The following DENND1B variants were observed in gnomAD, a reference collection of about 807,000 sequenced individuals.
The protein encoded by DENND1B is DENN domain containing 1B, also known as DENN domain-containing protein 1B.
A neutral mutation model predicts 90.1 loss-of-function variants in DENND1B; 59 were observed. That is an observed-to-expected ratio of 0.65 (90% confidence interval 0.53 to 0.81). The LOEUF (loss-of-function observed/expected upper bound fraction) is 0.81, where lower values mean the gene tolerates loss of function less well. Ranked by LOEUF, DENND1B falls within the 40% of genes least tolerant of loss-of-function variation. The probability of loss-of-function intolerance (pLI) is 0.00; values close to 1 mark genes in which losing one functional copy is unlikely to be tolerated. For synonymous variants in DENND1B, 337 were observed against 324.6 expected, an observed-to-expected ratio of 1.04 and a Z score of -0.41; for missense variants, 862 against 912.6, an observed-to-expected ratio of 0.94 and a Z score of 0.71.
chr1:197,576,142 A>T (rs1436633135), intron 15 of DENND1B, among the ~76,000 whole-genome samples: 1 of 152,192 alleles, frequency 6.6e-6, no homozygotes, highest in African/African-American at 2.4e-5. Flanking sequence ...AGACAGAATG[A>T]TCAATGTAAG....
At chr1:197,754,448 A>T (rs1208045027) in intron 2 of DENND1B, among the ~76,000 whole-genome samples, 1 of 152,100 alleles carries the variant, frequency 6.6e-6, no homozygotes, top group Non-Finnish European at 1.5e-5. Context: ...ACACTTTGTC[A>T]GGCCGAGGCA....
intron 2 of DENND1B, among the ~76,000 whole-genome samples, chr1:197,721,790 A>T (rs938303641): frequency 3.0e-4 from 46 of 152,282 alleles, no homozygotes; most frequent in African/African-American, 1.1e-3. Context: ...AGCAAGAAAA[A>T]TACCACCAAA....
In DENND1B at chr1:197,510,990, C is replaced by G. The variant is rs971682079; in HGVS notation, c.1816-18G>C. The G allele has an allele frequency of 2.0e-6, 3 of 1,477,712 alleles. No individual in the cohort carries two copies. The highest frequency in any genetic ancestry group is 2.8e-5 in the African/African-American group (2 of 70,962). 91.5% of individuals were successfully genotyped at this position (1,477,712 alleles called of 1,614,324 possible). A position where few individuals can be genotyped will look rare whatever the true frequency, so the allele number is the denominator to read the frequency against. On this transcript the variant is annotated intron_variant, in intron 22 of 22. Transcript: ENST00000620048. ...GATTTATTCTGAAAAAAAGAAGAAACAACAAACTCAGAAAACTTTTAATAA... is the reference window on the plus strand; with the variant it reads ...GATTTATTCTGAAAAAAAGAAGAAAGAACAAACTCAGAAAACTTTTAATAA...
At chr1:197,545,028 G>GAGAAGGAGA (rs1192143504) in intron 18 of DENND1B, among the ~76,000 whole-genome samples, 6 of 109,238 alleles carry the variant, frequency 5.5e-5, no homozygotes, top group East Asian at 5.5e-4. Context: ...ACGAAAGAAG[G>GAGAAGGAGA]AGGAGAAGGA....
intron 11 of DENND1B, among the ~76,000 whole-genome samples, chr1:197,614,638 A>G (rs554923240): frequency 6.6e-6 from 1 of 150,998 alleles, no homozygotes; most frequent in South Asian, 2.1e-4. Context: ...ACCTGTACTT[A>G]AGAATAGCTT....
At chr1:197,573,501 A>C (rs1484132817) in intron 15 of DENND1B, among the ~76,000 whole-genome samples, 1 of 152,226 alleles carries the variant, frequency 6.6e-6, no homozygotes, top group African/African-American at 2.4e-5. Context: ...AGACGGATTC[A>C]CAGCCAAATT....
chr1:197,660,051 TA>T lies in DENND1B; in HGVS notation c.297-1683del, dbSNP rs200611879. On this transcript the variant is annotated intron_variant, in intron 5 of 22. Coordinates refer to ENST00000620048, the MANE Select transcript of DENND1B (RefSeq NM_001195215.2). ...AGCTGAATTAAGAGCAGGAAGCTAT[TA>T]AAAAAAAACTAAACTTTTCTAAAAA... 6.6e-5 allele frequency among the ~76,000 whole-genome samples: 10 copies of T among 150,936 alleles called. No homozygotes were observed. In the East Asian group the frequency reaches 7.8e-4, roughly 12 times the overall value.
intron 18 of DENND1B, among the ~76,000 whole-genome samples, chr1:197,545,001 A>AGAAGGAAGAC (rs536451968): frequency 1.1e-5 from 1 of 90,788 alleles, no homozygotes; most frequent in South Asian, 4.6e-4. Context: ...GGAAGAAGGA[A>AGAAGGAAGAC]GACGACGACG....
At chr1:197,511,985 T>C (rs1278369854) in intron 21 of DENND1B, 41 bp from the exon 22 acceptor site, 4 of 1,477,014 alleles carry the variant, frequency 2.7e-6, no homozygotes, top group Non-Finnish European at 2.8e-6. Context: ...TAAATAACCA[T>C]ATTTGCTGCA....
At chr1:197,676,783 G>A (rs1192071690) in intron 3 of DENND1B, among the ~76,000 whole-genome samples, 1 of 152,060 alleles carries the variant, frequency 6.6e-6, no homozygotes, top group East Asian at 1.9e-4. Context: ...GTTAATGACT[G>A]GAAACAAGGA....
chr1:197,747,042 A>T, intron 2 of DENND1B: 1 of 803,750 alleles, frequency 1.2e-6, no homozygotes, highest in Non-Finnish European at 2.3e-6. Context: ...CAAATCAATC[A>T]TTGACTCCAA....
chr1:197,676,874 C>T (rs1393753917), intron 3 of DENND1B, among the ~76,000 whole-genome samples: 1 of 151,918 alleles, frequency 6.6e-6, no homozygotes, highest in Non-Finnish European at 1.5e-5. Context: ...TGAAATTGAT[C>T]TTGTAAGAGA....
chr1:197,745,984 T>C (rs987885637), intron 2 of DENND1B, among the ~76,000 whole-genome samples: 2 of 152,212 alleles, frequency 1.3e-5, no homozygotes, highest in African/African-American at 4.8e-5. Flanking sequence ...GGTCAAGTCA[T>C]TTGTAAAGAC....
chr1:197,684,423 T>C (rs1031892407), intron 3 of DENND1B, among the ~76,000 whole-genome samples: 4 of 152,194 alleles, frequency 2.6e-5, no homozygotes, highest in African/African-American at 9.6e-5. Context: ...CAATCGATAA[T>C]CAGCAGATGC....
chr1:197,733,868 A>G (rs1662380852), intron 2 of DENND1B: 1 of 165,068 alleles, frequency 6.1e-6, no homozygotes, highest in Admixed American at 6.5e-5. Flanking sequence ...TCACCAATTC[A>G]CACATGGGTC....
chr1:197,529,440 T>TTCAG (rs1340728023), intron 20 of DENND1B, among the ~76,000 whole-genome samples: 1 of 151,402 alleles, frequency 6.6e-6, no homozygotes, highest in Admixed American at 6.6e-5. Context: ...AACAAAAAGC[T>TTCAG]TCAGTCCCCC....
chr1:197,545,816 T>G (rs1670771915), intron 18 of DENND1B, 106 bp downstream of exon 18: 1 of 1,004,888 alleles, frequency 1.0e-6, no homozygotes, highest in Admixed American at 3.2e-5. Flanking sequence ...TTTTTTTAGG[T>G]TTATTTAAAA....
chr1:197,665,794 T>C (rs1193914036), intron 5 of DENND1B, among the ~76,000 whole-genome samples: 1 of 152,112 alleles, frequency 6.6e-6, no homozygotes, highest in Non-Finnish European at 1.5e-5. Context: ...CAGTAGAAGA[T>C]AGCTCACAAA....
chr1:197,666,027 G>C (rs1654905034), intron 5 of DENND1B, among the ~76,000 whole-genome samples: 1 of 152,038 alleles, frequency 6.6e-6, no homozygotes, highest in African/African-American at 2.4e-5. Flanking sequence ...TGCACAAAAG[G>C]CACCTTTAAG....
Sources: gnomAD v4.1 joint callset for allele counts (sites outside exome capture counted in the v4.1 genomes callset) on GRCh38, gnomAD v4.1.1 for gene constraint, MANE v1.5 for transcripts, NCBI Gene and HGNC (gene_info 2026-07-23, HGNC 2026-07-21) for gene names.